The following PDE1C variants were observed in gnomAD, a reference collection of about 807,000 sequenced individuals.
The protein encoded by PDE1C is phosphodiesterase 1C.
PDE1C carries 62 observed loss-of-function variants against 93.1 expected under a neutral mutation model. That is an observed-to-expected ratio of 0.67 (90% CI 0.54 to 0.82). The LOEUF (loss-of-function observed/expected upper bound fraction) is 0.82, where lower values mean the gene tolerates loss of function less well. PDE1C is among the 40% of genes least tolerant of loss of function. The pLI is 0.00. For synonymous variants in PDE1C, 325 were observed against 310.1 expected (o/e 1.05, Z -0.50); for missense variants, 742 against 884.6 (o/e 0.84, Z 2.04).
intron 2 of PDE1C, among the ~76,000 whole-genome samples, chr7:32,208,914 C>G (rs1247975345): frequency 1.3e-5 from 2 of 152,162 alleles, no homozygotes; most frequent in African/African-American, 2.4e-5. Flanking sequence ...CTAAGGAAAC[C>G]CATTCAATCC....
intron 2 of PDE1C, among the ~76,000 whole-genome samples, chr7:32,044,018 A>T (rs953784098): frequency 8.5e-5 from 13 of 152,210 alleles, no homozygotes; most frequent in African/African-American, 2.4e-4. Flanking sequence ...ATTTATTCAT[A>T]AAATCAATGC....
chr7:31,864,409 T>C (rs1231126527), intron 7 of PDE1C, among the ~76,000 whole-genome samples: 1 of 152,174 alleles, frequency 6.6e-6, no homozygotes, highest in Non-Finnish European at 1.5e-5. Flanking sequence ...GCTAAAATGT[T>C]GGGCCAAAAG....
chr7:31,949,851 C>T (rs1190836965), intron 2 of PDE1C, among the ~76,000 whole-genome samples: 2 of 151,970 alleles, frequency 1.3e-5, no homozygotes, highest in Admixed American at 1.3e-4. Context: ...GATGGAGCTC[C>T]CGAAAAAAGA....
chr7:32,308,147 C>T (rs1431324536), intron 1 of PDE1C, among the ~76,000 whole-genome samples: 3 of 152,356 alleles, frequency 2.0e-5, no homozygotes, highest in East Asian at 1.9e-4. Flanking sequence ...CAGCAACAGT[C>T]TGAGATCAAA....
At chr7:32,298,930 C>T in exon 1 of PDE1C, 1 of 1,340,104 alleles carries the variant, frequency 7.5e-7, no homozygotes, top group Non-Finnish European at 9.5e-7. Flanking sequence ...ACAGCTAAAG[C>T]GCTAGGAGCT....
At chr7:31,852,331 T>G (rs2128805501) in intron 7 of PDE1C, among the ~76,000 whole-genome samples, 1 of 152,244 alleles carries the variant, frequency 6.6e-6, no homozygotes, top group East Asian at 1.9e-4. Flanking sequence ...GCATCTTCAA[T>G]AATATACCTC....
chr7:31,809,034 C>T lies in PDE1C; in HGVS notation c.1888G>A (p.Asp630Asn), dbSNP rs752243504. ...SNIGNDSKKTDGTKQRSHGSP... is the reference protein window; with the variant it reads ...SNIGNDSKKTNGTKQRSHGSP... ...GTAATGAGAATAATACTCTTACCAT[C>T]TGTTTTCTTTGAATCATTTCCGATG... Residue 630 changes from aspartate (D) to asparagine (N), a missense_variant, in exon 16 of 18, where the codon GAT (aspartate) becomes AAT (asparagine). By Grantham distance (23) the Asp-to-Asn change is conservative (BLOSUM62 1). Around this residue, in one of 4 missense-constraint regions of PDE1C, gnomAD observed 454 missense variants for 459.4 expected, o/e 0.99. Transcript: ENST00000396191. 1.9e-6 allele frequency: 3 copies of T among 1,549,920 alleles called. No individual in the cohort carries two copies. Among genetic ancestry groups the T allele is most frequent in the Non-Finnish European group, 2.7e-6 (3 of 1,123,494 alleles).
chr7:31,864,917 C>A (rs781675368), intron 7 of PDE1C, 25 bp downstream of exon 7: 1 of 1,607,492 alleles, frequency 6.2e-7, no homozygotes. Context: ...TTTTGGGGAA[C>A]CTAAGAGTTC....
chr7:31,641,169 G>A, the PDE1C span, among the ~76,000 whole-genome samples: 1 of 152,172 alleles, frequency 6.6e-6, no homozygotes, highest in Non-Finnish European at 1.5e-5. Flanking sequence ...GTGAGGTCCA[G>A]CAGAGATCTA....
intron 1 of PDE1C, among the ~76,000 whole-genome samples, chr7:32,296,194 A>G (rs1286593723): frequency 6.6e-6 from 1 of 152,126 alleles, no homozygotes; most frequent in Admixed American, 6.6e-5. Context: ...CTTTTTTATT[A>G]TTGTATTTTC....
At chr7:31,995,053 C>CA (rs1784557118) in intron 2 of PDE1C, among the ~76,000 whole-genome samples, 1 of 152,116 alleles carries the variant, frequency 6.6e-6, no homozygotes, top group African/African-American at 2.4e-5. Context: ...TCTTGTATAC[C>CA]AAACAGGTCT....
chr7:31,976,375 G>C (rs1475900173), intron 2 of PDE1C, among the ~76,000 whole-genome samples: 2 of 152,112 alleles, frequency 1.3e-5, no homozygotes, highest in African/African-American at 4.8e-5. Flanking sequence ...AAGCATAAGA[G>C]GACTGTTATT....
chr7:31,813,687 GA>G (rs2128718914), intron 15 of PDE1C, among the ~76,000 whole-genome samples: 1 of 152,068 alleles, frequency 6.6e-6, no homozygotes, highest in Non-Finnish European at 1.5e-5. Flanking sequence ...GGTTTTTGGG[GA>G]AAAGATGGTG....
chr7:32,255,165 AC>A (rs1216257791), intron 1 of PDE1C, among the ~76,000 whole-genome samples: 1 of 152,160 alleles, frequency 6.6e-6, no homozygotes, highest in Non-Finnish European at 1.5e-5. Context: ...AGGGTGGCTG[AC>A]GTCACTTTGC....
chr7:31,625,652 T>C, the PDE1C span, among the ~76,000 whole-genome samples: 2 of 151,992 alleles, frequency 1.3e-5, no homozygotes, highest in Non-Finnish European at 1.5e-5. Flanking sequence ...GGGATAGCAC[T>C]GGGAGATATA....
intron 2 of PDE1C, among the ~76,000 whole-genome samples, chr7:31,881,072 A>G (rs979624405): frequency 2.0e-5 from 3 of 152,228 alleles, no homozygotes; most frequent in Non-Finnish European, 4.4e-5. Context: ...CTCTCCAACC[A>G]GGCACTGACC....
chr7:31,933,319 T>C (rs1409899156), intron 2 of PDE1C, among the ~76,000 whole-genome samples: 4 of 152,190 alleles, frequency 2.6e-5, no homozygotes, highest in Admixed American at 1.3e-4. Context: ...GTATTTTCAA[T>C]TCATTGCAAC....
chr7:32,333,196 T>C (rs537566790), intron 1 of PDE1C, among the ~76,000 whole-genome samples: 2 of 152,286 alleles, frequency 1.3e-5, no homozygotes, highest in East Asian at 3.9e-4. Flanking sequence ...GAAAAAAGAA[T>C]GAGAAATAGC....
At chr7:32,310,144 G>A (rs1407399781) in intron 1 of PDE1C, among the ~76,000 whole-genome samples, 1 of 151,836 alleles carries the variant, frequency 6.6e-6, no homozygotes, top group Non-Finnish European at 1.5e-5. Flanking sequence ...AAGATCAAAA[G>A]AGACAAAGAA....
Sources: gnomAD v4.1 joint callset for allele counts (sites outside exome capture counted in the v4.1 genomes callset) on GRCh38, gnomAD v4.1.1 for gene constraint, gnomAD v4.1.1 regional missense constraint, MANE v1.5 for transcripts, NCBI Gene and HGNC (gene_info 2026-07-23, HGNC 2026-07-21) for gene names.